The following MDGA2 variants were observed in gnomAD, a reference collection of about 807,000 sequenced individuals.
MDGA2 encodes MAM domain-containing glycosylphosphatidylinositol anchor protein 2.
In MDGA2, 40 loss-of-function variants were observed where a neutral mutation model predicts 117.8. The observed-to-expected ratio is 0.34, with a 90% confidence interval of 0.26 to 0.44. The LOEUF is 0.44. Among genes scored for constraint, MDGA2 ranks in the 20% least tolerant of loss-of-function variants. The probability of loss-of-function intolerance (pLI) is 1.00; values close to 1 mark genes in which losing one functional copy is unlikely to be tolerated. For missense variants in MDGA2, 1,123 were observed against 1,250.6 expected (o/e 0.90, Z 1.54); for synonymous variants, 452 against 439.0 (o/e 1.03, Z -0.37).
intron 1 of MDGA2, among the ~76,000 whole-genome samples, chr14:47,653,531 T>C (rs1897683719): frequency 1.3e-5 from 2 of 152,182 alleles, no homozygotes; most frequent in African/African-American, 2.4e-5. Context: ...GATGTATTAC[T>C]GTGGTAAGCA....
chr14:47,057,307 G>A (rs1889712354), intron 7 of MDGA2, among the ~76,000 whole-genome samples: 1 of 152,046 alleles, frequency 6.6e-6, no homozygotes, highest in Non-Finnish European at 1.5e-5. Context: ...TTTAAGCACA[G>A]TATGCAACCA....
At chr14:47,291,466 G>A (rs982092521) in intron 2 of MDGA2, among the ~76,000 whole-genome samples, 3 of 151,266 alleles carry the variant, frequency 2.0e-5, no homozygotes, top group Admixed American at 2.0e-4. Context: ...CTTATAATGG[G>A]GTTATCTCCT....
intron 10 of MDGA2, among the ~76,000 whole-genome samples, chr14:46,903,316 T>C (rs1883362359): frequency 6.6e-6 from 1 of 152,118 alleles, no homozygotes; most frequent in Non-Finnish European, 1.5e-5. Context: ...GAAAGGGGTA[T>C]GGGGTTGTTT....
At chr14:46,873,284 A>T in intron 14 of MDGA2, 149 bp downstream of exon 14, 2 of 654,532 alleles carry the variant, frequency 3.1e-6, no homozygotes, top group African/African-American at 1.9e-5. Context: ...AATTCTTACT[A>T]TCTTATTTTG....
chr14:47,167,870 G>C (rs560597236), intron 3 of MDGA2, among the ~76,000 whole-genome samples: 2 of 152,238 alleles, frequency 1.3e-5, no homozygotes, highest in East Asian at 1.9e-4. Flanking sequence ...AATAATGAGT[G>C]ACTGCTGCCT....
chr14:47,132,188 G>A (rs1356633163), intron 4 of MDGA2, among the ~76,000 whole-genome samples: 1 of 151,868 alleles, frequency 6.6e-6, no homozygotes, highest in African/African-American at 2.4e-5. Flanking sequence ...AAAGATCAGA[G>A]CAGTGTACTT....
At position 46,977,748 on chromosome 14, in the gene MDGA2, CTT is replaced by C. The variant is rs566571822; in HGVS notation, c.1820-20107_1820-20106del. ...TATTGATCAATAACATGGTAGTAAACTTAGTAGGTATAAAACTTTTCAGAAAT... is the reference window on the plus strand; with the variant it reads ...TATTGATCAATAACATGGTAGTAAACAGTAGGTATAAAACTTTTCAGAAAT... On this transcript the variant is annotated intron_variant, in intron 8 of 16. Coordinates refer to ENST00000399232, the MANE Select transcript of MDGA2 (RefSeq NM_001113498.3). Among the ~76,000 whole-genome samples, 276 of 151,762 alleles carry C rather than the reference CTT, an allele frequency of 1.8e-3. 1 individual carries two copies. Among genetic ancestry groups the C allele is most frequent in the African/African-American group, 6.4e-3 (266 of 41,456 alleles).
chr14:47,002,818 T>C (rs1236395645), intron 8 of MDGA2, among the ~76,000 whole-genome samples: 2 of 152,174 alleles, frequency 1.3e-5, no homozygotes, highest in Non-Finnish European at 2.9e-5. Flanking sequence ...TTTGTGTAAG[T>C]CTGTCTTAGC....
intron 1 of MDGA2, among the ~76,000 whole-genome samples, chr14:47,535,956 T>C (rs540980039): frequency 5.3e-5 from 8 of 152,364 alleles, no homozygotes; most frequent in Non-Finnish European, 8.8e-5. Context: ...GGGCTTCACA[T>C]GTCTCTTTTA....
intron 2 of MDGA2, among the ~76,000 whole-genome samples, chr14:47,301,107 T>C (rs2139811475): frequency 1.3e-5 from 2 of 152,302 alleles, no homozygotes; most frequent in Middle Eastern, 6.8e-3. Context: ...TGAGATATTT[T>C]TGTAGTTGTC....
chr14:47,562,616 G>T (rs184510627), intron 1 of MDGA2, among the ~76,000 whole-genome samples: 2 of 152,168 alleles, frequency 1.3e-5, no homozygotes, highest in Non-Finnish European at 2.9e-5. Context: ...ACGTTTAGTT[G>T]AATCTTTTTT....
chr14:47,390,872 G>C (rs887879995), intron 1 of MDGA2, among the ~76,000 whole-genome samples: 9 of 151,980 alleles, frequency 5.9e-5, no homozygotes, highest in Non-Finnish European at 8.8e-5. Flanking sequence ...GTTTCTTCTT[G>C]ATATCCTTGG....
intron 7 of MDGA2, among the ~76,000 whole-genome samples, chr14:47,038,146 G>A (rs1193820271): frequency 2.6e-5 from 4 of 152,032 alleles, no homozygotes; most frequent in Non-Finnish European, 5.9e-5. Flanking sequence ...TGACCAGGCT[G>A]GTCTCAAACT....
At chr14:47,330,967 C>T (rs1890277471) in intron 1 of MDGA2, among the ~76,000 whole-genome samples, 1 of 151,828 alleles carries the variant, frequency 6.6e-6, no homozygotes, top group Non-Finnish European at 1.5e-5. Context: ...TCTGTGATGT[C>T]TAGAGCTGTG....
intron 2 of MDGA2, among the ~76,000 whole-genome samples, chr14:47,266,104 G>A (rs1227855047): frequency 6.6e-6 from 1 of 152,032 alleles, no homozygotes; most frequent in Non-Finnish European, 1.5e-5. Context: ...ATGTATAGGT[G>A]GACAAAGAGA....
At chr14:47,317,526 G>C (rs1348752947) in intron 1 of MDGA2, among the ~76,000 whole-genome samples, 2 of 151,822 alleles carry the variant, frequency 1.3e-5, no homozygotes, top group African/African-American at 2.4e-5. Context: ...CTTTTTTTTG[G>C]AAGAGTTTAC....
At chr14:47,250,205 C>G (rs1299867492) in intron 2 of MDGA2, among the ~76,000 whole-genome samples, 1 of 152,216 alleles carries the variant, frequency 6.6e-6, no homozygotes, top group Non-Finnish European at 1.5e-5. Flanking sequence ...TATCAGAATA[C>G]TTTACTGCTA....
chr14:46,839,823 A>G (rs1229340257), downstream of MDGA2, among the ~76,000 whole-genome samples: 1 of 151,932 alleles, frequency 6.6e-6, no homozygotes, highest in Admixed American at 6.6e-5. Flanking sequence ...TAAATATTCA[A>G]ACTGGTCCCC....
At chr14:47,204,008 T>C (rs1182952101) in intron 3 of MDGA2, among the ~76,000 whole-genome samples, 1 of 151,834 alleles carries the variant, frequency 6.6e-6, no homozygotes, top group African/African-American at 2.4e-5. Flanking sequence ...CATAATAATA[T>C]TTAGAAAAGT....
Sources: allele counts gnomAD v4.1 joint callset (sites outside exome capture counted in the v4.1 genomes callset), GRCh38; gene constraint gnomAD v4.1.1; transcripts MANE v1.5; gene names NCBI Gene and HGNC (gene_info 2026-07-23, HGNC 2026-07-21).